The following DDX20 variants were observed in gnomAD, a reference collection of about 807,000 sequenced individuals.
DDX20 encodes probable ATP-dependent RNA helicase DDX20.
In DDX20, 61 loss-of-function variants were observed where a neutral mutation model predicts 76.4. The ratio of observed to expected loss-of-function variants is 0.80; its 90% confidence interval spans 0.65 to 0.99. The LOEUF (loss-of-function observed/expected upper bound fraction) is 0.99, where lower values mean the gene tolerates loss of function less well. DDX20 is among the 50% of genes least tolerant of loss of function. The pLI is 0.00. For missense variants in DDX20, 976 were observed against 996.8 expected, an observed-to-expected ratio of 0.98 and a Z score of 0.28; for synonymous variants, 357 against 357.4, an observed-to-expected ratio of 1.00 and a Z score of 0.01.
chr1:111,759,867 G>A (rs911612950), intron 3 of DDX20, among the ~76,000 whole-genome samples: 2 of 150,758 alleles, frequency 1.3e-5, no homozygotes, highest in African/African-American at 2.4e-5. Flanking sequence ...CCAGCTACTC[G>A]GGAGGCTGAG....
At chr1:111,756,820 AGAGCTG>A (rs1557920324) in intron 2 of DDX20, 80 bp downstream of exon 2, 13 of 1,160,008 alleles carry the variant, frequency 1.1e-5, no homozygotes, top group Non-Finnish European at 1.7e-5. Flanking sequence ...GTAGCTCCTC[AGAGCTG>A]GAAGTGAATT....
intron 4 of DDX20, 27 bp downstream of exon 4, chr1:111,760,615 T>A (rs3754025): frequency 0.039 from 61,789 of 1,601,442 alleles, 1,423 homozygotes; most frequent in Admixed American, 0.088. Flanking sequence ...ACTTGACTAT[T>A]AAAACAGTGT....
At chr1:111,758,354 CT>C (rs11291406) in intron 2 of DDX20, among the ~76,000 whole-genome samples, 34,381 of 132,656 alleles carry the variant, frequency 0.26, 4,435 homozygotes, top group Admixed American at 0.33. Flanking sequence ...TCTCCTAGTC[CT>C]TTTTTTTTTT....
At chr1:111,762,644 C>T (rs1177789371) in intron 8 of DDX20, 33 bp from the exon 9 acceptor site, 1 of 1,558,644 alleles carries the variant, frequency 6.4e-7, no homozygotes, top group Non-Finnish European at 8.8e-7. Flanking sequence ...ATAGTTAATG[C>T]AAACAAATAA....
intron 3 of DDX20, 167 bp from the exon 4 acceptor site, chr1:111,760,307 A>C: frequency 1.9e-6 from 1 of 516,914 alleles, no homozygotes; most frequent in Non-Finnish European, 3.4e-6. Flanking sequence ...AGTCAAGATC[A>C]GAGCTCCAGA....
In DDX20 at chr1:111,766,100, ACAGT is replaced by A; in HGVS notation, c.1680_1683del (p.Gln561ThrfsTer28). ...CAGACTCCCGTTGAAAACTCCACCA[ACAGT>A]CAGCACCAGGTCAAAGAAGCTTTAC... is the stretch of plus-strand genomic sequence containing the variant. On this transcript the variant is annotated frameshift_variant, in exon 11 of 11. Transcript: ENST00000369702. LOFTEE classifies it high-confidence loss of function. 1.2e-6 allele frequency: 2 copies of A among 1,614,158 alleles called. No individual in the cohort carries two copies. Among genetic ancestry groups the A allele is most frequent in the South Asian group, 1.1e-5 (1 of 91,080 alleles).
At position 111,760,838 on chromosome 1, in the gene DDX20, A is replaced by C. The variant is rs747982426; in HGVS notation, c.813A>C (p.Pro271=). The C allele has an allele frequency of 6.2e-7, 1 of 1,612,390 alleles. No individual in the cohort carries two copies. The highest frequency in any genetic ancestry group is 8.5e-7 in the Non-Finnish European group (1 of 1,179,534). Residue 271 remains proline, a synonymous_variant, in exon 5 of 11, where the codon CCA becomes CCC. Transcript: ENST00000369702. ...TTGTAAGACTGAATTCCAGTGATCC[A>C]AGTCTCATAGGTGTGTACAGCTTTT... ...PTFVRLNSSD[P]SLIGLKQYYK... is the part of the protein sequence containing the mutation.
intron 10 of DDX20, among the ~76,000 whole-genome samples, chr1:111,764,116 A>G (rs1663728306): frequency 6.6e-6 from 1 of 150,514 alleles, no homozygotes; most frequent in East Asian, 1.9e-4. Context: ...TGTCTCTACT[A>G]AAAAAAAATA....
chr1:111,763,707 G>A (rs1346323230), intron 10 of DDX20, among the ~76,000 whole-genome samples: 3 of 152,104 alleles, frequency 2.0e-5, no homozygotes, highest in Non-Finnish European at 4.4e-5. Context: ...GGTAATTCTT[G>A]CCATATTCTC....
intron 7 of DDX20, 68 bp downstream of exon 7, chr1:111,761,352 A>G (rs2101420355): frequency 3.8e-6 from 5 of 1,302,104 alleles, no homozygotes; most frequent in Admixed American, 4.0e-5. Flanking sequence ...TCAGGAGGAA[A>G]AAATACCACT....
At position 111,762,722 on chromosome 1, in the gene DDX20, C is replaced by T; in HGVS notation, c.1150C>T (p.Leu384=). The change falls in exon 9 of 11, where the codon CTG becomes TTG. Residue 384 remains leucine, a synonymous_variant. Transcript: ENST00000369702. ...DAEKVNLVVN[L]DVPLDWETYM... Reference sequence around the variant, plus strand: ...TGAGAAGGTGAATCTGGTTGTAAATCTGGATGTACCATTGGATTGGGAGAC... The same window carrying T: ...TGAGAAGGTGAATCTGGTTGTAAATTTGGATGTACCATTGGATTGGGAGAC... The T allele has an allele frequency of 6.2e-7, 1 of 1,613,118 alleles. No individual in the cohort carries two copies. The highest frequency in any genetic ancestry group is 8.5e-7 in the Non-Finnish European group (1 of 1,179,906).
chr1:111,763,830 A>G (rs2101423726), intron 10 of DDX20, among the ~76,000 whole-genome samples: 1 of 152,274 alleles, frequency 6.6e-6, no homozygotes, highest in Middle Eastern at 3.4e-3. Flanking sequence ...CTTCTTTTTA[A>G]GTGCCCTCTT....
At position 111,761,271 on chromosome 1, in the gene DDX20, T is replaced by C; in HGVS notation, c.1008T>C (p.Ala336=). ...ADILSSKGFP[A]ECISGNMNQN... ...TCCTTTCTTCTAAAGGCTTTCCTGC[T>C]GAGTGCATTTCAGGTAAGTTCATCT... is the stretch of plus-strand genomic sequence containing the variant. Residue 336 remains alanine (A), a synonymous_variant, in exon 7 of 11, where the codon GCT becomes GCC. Coordinates refer to ENST00000369702, the MANE Select transcript of DDX20 (RefSeq NM_007204.5). The C allele has an allele frequency of 6.2e-7, 1 of 1,613,242 alleles. No homozygotes were observed. Among genetic ancestry groups the C allele is most frequent in the Non-Finnish European group, 8.5e-7 (1 of 1,179,550 alleles).
In DDX20 at chr1:111,765,853, C is replaced by T. The variant is rs749146100; in HGVS notation, c.1429C>T (p.Gln477Ter). 6.2e-7 allele frequency: 1 copy of T among 1,614,102 alleles called. No homozygotes were observed. Among genetic ancestry groups the T allele is most frequent in the Non-Finnish European group, 8.5e-7 (1 of 1,180,012 alleles). The part of the protein sequence containing the change: ...VPNQPLKKQI[Q>*]KIERTLQIQK... ...TAACCAACCCTTAAAAAAGCAAATTCAGAAAATAGAGAGAACCCTTCAAAT... is the reference window on the plus strand; with the variant it reads ...TAACCAACCCTTAAAAAAGCAAATTTAGAAAATAGAGAGAACCCTTCAAAT... The change falls in exon 11 of 11, where the codon CAG becomes TAG. Residue 477 changes from glutamine (Q) to a stop codon, truncating the protein, a stop_gained. Transcript: ENST00000369702. LOFTEE classifies it high-confidence loss of function.
Position 111,767,163 on chromosome 1 carries a change from G to A in DDX20, c.*264G>A. 2 of 286,146 alleles carry A rather than the reference G, an allele frequency of 7.0e-6. No homozygotes were observed. The highest frequency in any genetic ancestry group is 1.3e-5 in the Non-Finnish European group (2 of 153,138). The allele number at this position is 286,146 out of a possible 1,614,324, so 17.7% of individuals were successfully genotyped here. A position where few individuals can be genotyped will look rare whatever the true frequency, so the allele number is the denominator to read the frequency against. ...TGGGACATAGAGCTGAAAGTTTCAG[G>A]GTGCCATTTTCTATAAGATCTTCCC... is the stretch of plus-strand genomic sequence containing the variant. On this transcript the variant is annotated 3_prime_UTR_variant, in exon 11 of 11. Transcript: ENST00000369702.
chr1:111,763,053 T>A, intron 10 of DDX20, 46 bp downstream of exon 10: 1 of 1,430,458 alleles, frequency 7.0e-7, no homozygotes, highest in Non-Finnish European at 9.8e-7. Context: ...ATAGTGGTGA[T>A]AAGCATAATA....
Position 111,766,691 on chromosome 1 carries a change from A to G in DDX20, c.2267A>G (p.Tyr756Cys), listed in dbSNP as rs748857477. 1.5e-5 allele frequency: 24 copies of G among 1,614,066 alleles called. No individual in the cohort carries two copies. The highest frequency in any genetic ancestry group is 1.9e-5 in the Non-Finnish European group (23 of 1,180,000). Residue 756 changes from tyrosine (Y) to cysteine (C), a missense_variant, in exon 11 of 11, where the codon TAT becomes TGT. Coordinates refer to ENST00000369702, the MANE Select transcript of DDX20 (RefSeq NM_007204.5). ...ACTGAAGCCCAGGAAGATGATTGGT[A>G]TGACTGTCATAGGGAAATACGTCTG... ...LQTEAQEDDW[Y>C]DCHREIRLSF...
chr1:111,759,022 G>A (rs1453235012), intron 2 of DDX20, among the ~76,000 whole-genome samples: 1 of 151,952 alleles, frequency 6.6e-6, no homozygotes, highest in Non-Finnish European at 1.5e-5. Flanking sequence ...GCAGGATGGA[G>A]GAACAATAAA....
Position 111,765,791 on chromosome 1 carries a change from A to G in DDX20, c.1367A>G (p.Lys456Arg), listed in dbSNP as rs145376350. 86 of 1,611,210 alleles carry G rather than the reference A, an allele frequency of 5.3e-5. No homozygotes were observed. In the East Asian group the frequency reaches 1.9e-3, roughly 36 times the overall value. Residue 456 changes from lysine to arginine, a missense_variant, in exon 11 of 11, where the codon AAA (lysine) becomes AGA (arginine). Lys to Arg is a conservative substitution (Grantham distance 26, BLOSUM62 2). Transcript: ENST00000369702. Reference sequence around the variant, plus strand: ...TGTGTGGATTGGGATGTGGAAGTTAAAGCTGCTGTGCATACATATGGTATA... The same window carrying G: ...TGTGTGGATTGGGATGTGGAAGTTAGAGCTGCTGTGCATACATATGGTATA... ...EECVDWDVEV[K>R]AAVHTYGIAS...
Sources: gnomAD v4.1 joint callset for allele counts (sites outside exome capture counted in the v4.1 genomes callset) on GRCh38, gnomAD v4.1.1 for gene constraint, MANE v1.5 for transcripts, NCBI Gene and HGNC (gene_info 2026-07-23, HGNC 2026-07-21) for gene names.